AGBL4: variants seen among roughly 807,000 people sequenced by gnomAD.
AGBL4 encodes cytosolic carboxypeptidase 6.
A neutral mutation model predicts 66.4 loss-of-function variants in AGBL4; 58 were observed. That is an observed-to-expected ratio of 0.87 (90% CI 0.71 to 1.09). The LOEUF is 1.09. AGBL4 is among the 50% of genes least tolerant of loss of function. The pLI, the probability that AGBL4 is intolerant of heterozygous loss-of-function variation, is 0.00. For synonymous variants in AGBL4, 234 were observed against 222.9 expected (o/e 1.05, Z -0.44); for missense variants, 579 against 631.0 (o/e 0.92, Z 0.88).
chr1:49,253,587 G>A (rs1386239368), intron 3 of AGBL4, among the ~76,000 whole-genome samples: 2 of 152,010 alleles, frequency 1.3e-5, no homozygotes, highest in Admixed American at 6.6e-5. Flanking sequence ...CTGAATTCTA[G>A]CAGATGTACA....
intron 4 of AGBL4, among the ~76,000 whole-genome samples, chr1:49,072,825 C>G (rs1156967267): frequency 6.6e-6 from 1 of 152,202 alleles, no homozygotes; most frequent in South Asian, 2.1e-4. Context: ...TGGATAATAT[C>G]CATAAGAGTG....
chr1:48,762,522 C>A (rs1644313273), intron 6 of AGBL4, among the ~76,000 whole-genome samples: 1 of 152,106 alleles, frequency 6.6e-6, no homozygotes. Context: ...AAGGTTCCCA[C>A]TGGTGTATCC....
intron 1 of AGBL4, among the ~76,000 whole-genome samples, chr1:49,901,275 T>C (rs1317145146): frequency 1.3e-5 from 2 of 152,156 alleles, no homozygotes; most frequent in African/African-American, 4.8e-5. Context: ...GATAACATGA[T>C]TCCATATCTA....
chr1:48,874,177 G>A (rs1361223601), intron 5 of AGBL4, among the ~76,000 whole-genome samples: 2 of 152,104 alleles, frequency 1.3e-5, no homozygotes, highest in Non-Finnish European at 2.9e-5. Context: ...AGAAACAGGC[G>A]CCACAGGGGC....
intron 5 of AGBL4, among the ~76,000 whole-genome samples, chr1:48,966,112 G>C (rs1658393847): frequency 6.6e-6 from 1 of 152,034 alleles, no homozygotes; most frequent in Non-Finnish European, 1.5e-5. Context: ...ATAAGGTTTT[G>C]ATACAAGAAC....
chr1:49,951,262 A>T lies in AGBL4; in HGVS notation c.34+72501T>A, dbSNP rs1656133617. Among the ~76,000 whole-genome samples the T allele has an allele frequency of 3.3e-5, 5 of 152,006 alleles. No homozygotes were observed. The South Asian group carries it at 1.0e-3, about 31-fold the overall frequency. On this transcript the variant is annotated intron_variant, in intron 1 of 13. Transcript: ENST00000371839. The stretch of plus-strand genomic sequence containing the variant: ...AAAAGGTAAGTATGTGATATAATGG[A>T]TACTGTGAAATTTGTCAGAATCAAC...
At chr1:49,337,179 T>G (rs1645453726) in intron 3 of AGBL4, among the ~76,000 whole-genome samples, 1 of 152,162 alleles carries the variant, frequency 6.6e-6, no homozygotes, top group Non-Finnish European at 1.5e-5. Flanking sequence ...CTAAACATGG[T>G]TATCTTCTTC....
intron 5 of AGBL4, among the ~76,000 whole-genome samples, chr1:48,886,475 C>G (rs547594434): frequency 6.6e-6 from 1 of 152,168 alleles, no homozygotes; most frequent in African/African-American, 2.4e-5. Flanking sequence ...TAACAATGCT[C>G]TAAAACCTGC....
intron 4 of AGBL4, among the ~76,000 whole-genome samples, chr1:49,070,758 G>C (rs562158646): frequency 6.6e-6 from 1 of 152,076 alleles, no homozygotes; most frequent in South Asian, 2.1e-4. Context: ...AAATGAGTTA[G>C]GGAGGATTCC....
intron 5 of AGBL4, among the ~76,000 whole-genome samples, chr1:48,917,311 C>T (rs1231523391): frequency 2.0e-5 from 3 of 151,560 alleles, no homozygotes; most frequent in African/African-American, 7.3e-5. Context: ...TTAATTTGTA[C>T]TTCGTTAGGC....
At chr1:49,886,766 A>T (rs1182506029) in intron 1 of AGBL4, among the ~76,000 whole-genome samples, 1 of 152,136 alleles carries the variant, frequency 6.6e-6, no homozygotes, top group Non-Finnish European at 1.5e-5. Flanking sequence ...TGGAGAATTT[A>T]CATATGTAAT....
chr1:48,563,108 G>T (rs976609307), intron 11 of AGBL4, among the ~76,000 whole-genome samples: 2 of 152,158 alleles, frequency 1.3e-5, no homozygotes, highest in African/African-American at 4.8e-5. Flanking sequence ...AATATCTTTG[G>T]CTGTGCCCAC....
At chr1:49,251,026 G>C (rs762339770) in intron 3 of AGBL4, among the ~76,000 whole-genome samples, 29 of 152,110 alleles carry the variant, frequency 1.9e-4, no homozygotes, top group Non-Finnish European at 3.5e-4. Context: ...GATCTTTGCA[G>C]GACAGTCTTC....
intron 1 of AGBL4, among the ~76,000 whole-genome samples, chr1:49,854,272 T>C (rs1230384392): frequency 6.6e-6 from 1 of 151,658 alleles, no homozygotes; most frequent in African/African-American, 2.4e-5. Flanking sequence ...GTGAGAACAT[T>C]GGAATTCAGC....
intron 9 of AGBL4, among the ~76,000 whole-genome samples, chr1:48,623,008 T>C (rs546299051): frequency 7.2e-5 from 11 of 152,196 alleles, no homozygotes; most frequent in Non-Finnish European, 1.5e-4. Flanking sequence ...GCCTGAGCTC[T>C]TAACCACAAA....
At chr1:49,213,411 C>T (rs1648827296) in intron 4 of AGBL4, among the ~76,000 whole-genome samples, 1 of 151,960 alleles carries the variant, frequency 6.6e-6, no homozygotes, top group Admixed American at 6.6e-5. Flanking sequence ...TGGGTCATGG[C>T]GGCAGATCCC....
chr1:49,720,274 G>C (rs1648498171), intron 2 of AGBL4, among the ~76,000 whole-genome samples: 1 of 152,018 alleles, frequency 6.6e-6, no homozygotes, highest in African/African-American at 2.4e-5. Context: ...AGAGCATTTT[G>C]GTTTTCAGAT....
intron 3 of AGBL4, among the ~76,000 whole-genome samples, chr1:49,433,387 A>G (rs1645829728): frequency 1.3e-5 from 2 of 152,130 alleles, no homozygotes; most frequent in South Asian, 4.1e-4. Flanking sequence ...GTCATAATTG[A>G]ATTGAATTAG....
At chr1:49,973,745 C>T (rs1658336420) in intron 1 of AGBL4, among the ~76,000 whole-genome samples, 1 of 149,072 alleles carries the variant, frequency 6.7e-6, no homozygotes, top group African/African-American at 2.5e-5. Context: ...ATGATCTATA[C>T]AATCATTTAC....
Sources: gnomAD v4.1 joint callset for allele counts (sites outside exome capture counted in the v4.1 genomes callset) on GRCh38, gnomAD v4.1.1 for gene constraint, MANE v1.5 for transcripts, NCBI Gene and HGNC (gene_info 2026-07-23, HGNC 2026-07-21) for gene names.